The following GABRB3 variants were observed in gnomAD, a reference collection of about 807,000 sequenced individuals.
The protein encoded by GABRB3 is gamma-aminobutyric acid type A receptor subunit beta3, also known as gamma-aminobutyric acid receptor subunit beta-3.
Under a neutral mutation model 52.1 loss-of-function variants are expected in GABRB3, and 14 were observed. The ratio of observed to expected loss-of-function variants is 0.27; its 90% CI spans 0.18 to 0.42. The LOEUF (loss-of-function observed/expected upper bound fraction) is 0.42, where lower values mean the gene tolerates loss of function less well. Among genes scored for constraint, GABRB3 ranks in the 10% least tolerant of loss-of-function variants. The pLI, the probability that GABRB3 is intolerant of heterozygous loss-of-function variation, is 1.00. For missense variants in GABRB3, 307 were observed against 609.1 expected (o/e 0.50, Z 5.22); for synonymous variants, 260 against 232.3 (o/e 1.12, Z -1.08).
chr15:26,723,766 C>T (rs1283634782), intron 3 of GABRB3, among the ~76,000 whole-genome samples: 2 of 152,234 alleles, frequency 1.3e-5, no homozygotes, highest in Admixed American at 6.5e-5. Context: ...GAGGATATCA[C>T]TGCCTACCAC....
At chr15:26,641,608 A>AG (rs1893202569) in intron 3 of GABRB3, among the ~76,000 whole-genome samples, 1 of 152,230 alleles carries the variant, frequency 6.6e-6, no homozygotes, top group African/African-American at 2.4e-5. Context: ...CCTGACAGGT[A>AG]GATCACATCT....
At chr15:26,601,359 G>A (rs2140500806) in intron 4 of GABRB3, among the ~76,000 whole-genome samples, 1 of 151,952 alleles carries the variant, frequency 6.6e-6, no homozygotes, top group African/African-American at 2.4e-5. Context: ...GCAGTGAGCT[G>A]AGATCGCGCC....
chr15:26,762,869 C>T (rs1890857761), intron 3 of GABRB3, among the ~76,000 whole-genome samples: 1 of 152,158 alleles, frequency 6.6e-6, no homozygotes, highest in Non-Finnish European at 1.5e-5. Flanking sequence ...AGGAATGACA[C>T]CTCACAGGGA....
At chr15:26,628,930 G>T in intron 3 of GABRB3, 1 of 1,505,220 alleles carries the variant, frequency 6.6e-7, no homozygotes, top group East Asian at 2.5e-5. Flanking sequence ...GTGCAAGAGC[G>T]CCTCCACTCC....
At chr15:26,766,037 C>T (rs1339941811) in intron 3 of GABRB3, among the ~76,000 whole-genome samples, 1 of 152,204 alleles carries the variant, frequency 6.6e-6, no homozygotes, top group African/African-American at 2.4e-5. Flanking sequence ...ACCTACCTCA[C>T]CAGCTGATGG....
chr15:26,687,729 G>A (rs949357354), intron 3 of GABRB3, among the ~76,000 whole-genome samples: 39 of 152,298 alleles, frequency 2.6e-4, no homozygotes, highest in Admixed American at 1.7e-3. Context: ...TTTCCACACC[G>A]ATTGCTTCTG....
At chr15:26,562,876 C>T (rs923417933) in intron 7 of GABRB3, among the ~76,000 whole-genome samples, 7 of 152,062 alleles carry the variant, frequency 4.6e-5, no homozygotes, top group African/African-American at 4.8e-5. Flanking sequence ...TGGTTGCTGA[C>T]GGAATGTATG....
chr15:26,592,334 A>G lies in GABRB3; in HGVS notation c.462-8920T>C, dbSNP rs572819263. On this transcript the variant is annotated intron_variant, in intron 4 of 8. Transcript: ENST00000311550. ...ATATGAGAGTGAAACTGAAGTCAAG[A>G]TCACCACATCCATATTGGCACTAGA... Among the ~76,000 whole-genome samples, 36 of 152,340 alleles carry G rather than the reference A, an allele frequency of 2.4e-4. No individual in the cohort carries two copies. The South Asian group carries it at 7.2e-3, about 31-fold the overall frequency.
In GABRB3 at chr15:26,621,591, C is replaced by T. The variant is rs45542840; in HGVS notation, c.241-57G>A. On this transcript the variant is annotated intron_variant, in intron 3 of 8. Transcript: ENST00000311550. The surrounding 1 kb of genome is among the most constrained non-coding windows in gnomAD (Gnocchi z 4.1). ...TTGTACCCAGCCACAGGTGTATTTC[C>T]TCCACGACCAGCCAAATTCAGGTTG... 0.41 allele frequency: 579,607 copies of T among 1,423,236 alleles called. 122,062 individuals are homozygous for T. Among genetic ancestry groups the T allele is most frequent in the Middle Eastern group, 0.5 (2,672 of 5,394 alleles). 88.2% of individuals were successfully genotyped at this position (1,423,236 alleles called of 1,614,324 possible).
chr15:26,610,675 G>A (rs1892035308), intron 4 of GABRB3, among the ~76,000 whole-genome samples: 1 of 152,146 alleles, frequency 6.6e-6, no homozygotes. Context: ...GTGATCTCTG[G>A]AGCCTAACTG....
chr15:26,729,753 T>C (rs2140148622), intron 3 of GABRB3, among the ~76,000 whole-genome samples: 1 of 152,284 alleles, frequency 6.6e-6, no homozygotes, highest in African/African-American at 2.4e-5. Context: ...TCCAGGTGCA[T>C]GCTCAGATTC....
chr15:26,631,304 T>G (rs1892908384), intron 3 of GABRB3, among the ~76,000 whole-genome samples: 1 of 152,230 alleles, frequency 6.6e-6, no homozygotes, highest in Admixed American at 6.5e-5. Flanking sequence ...CAACAAAGTT[T>G]CTTCCTGCTT....
intron 6 of GABRB3, among the ~76,000 whole-genome samples, chr15:26,576,511 A>C (rs56254853): frequency 0.14 from 21,667 of 152,250 alleles, 1,967 homozygotes; most frequent in Non-Finnish European, 0.19. Flanking sequence ...TGGGTATTAT[A>C]GAATCTACTG....
chr15:26,617,999 C>T (rs923303776), intron 4 of GABRB3, among the ~76,000 whole-genome samples: 12 of 152,042 alleles, frequency 7.9e-5, no homozygotes, highest in Non-Finnish European at 1.5e-4. Flanking sequence ...CAAACCACTG[C>T]TCAATGAAAT....
At chr15:26,737,795 C>G (rs1890102392) in intron 3 of GABRB3, among the ~76,000 whole-genome samples, 1 of 152,084 alleles carries the variant, frequency 6.6e-6, no homozygotes. Context: ...TCATATCATA[C>G]TTTTTTACTT....
rs1439186253 is a variant in GABRB3 at position 26,728,333 on chromosome 15, G to T, written c.240+44069C>A. Among the ~76,000 whole-genome samples, 5 of 152,302 alleles carry T rather than the reference G, an allele frequency of 3.3e-5. No individual in the cohort carries two copies. The East Asian group carries it at 7.7e-4, about 24-fold the overall frequency. On this transcript the variant is annotated intron_variant, in intron 3 of 8. Coordinates refer to ENST00000311550, the MANE Select transcript of GABRB3 (RefSeq NM_000814.6). ...CATGTATTCTGGTTCCCACACATAT[G>T]GAGACTCTGTTGTCTTCAGCACCTG...
chr15:26,612,399 A>G (rs1566774063), intron 4 of GABRB3: 1 of 152,244 alleles, frequency 6.6e-6, no homozygotes, highest in Non-Finnish European at 1.5e-5. Flanking sequence ...AATTTTTGAT[A>G]GATGCATACT....
At chr15:26,644,760 C>T (rs1055423593) in intron 3 of GABRB3, among the ~76,000 whole-genome samples, 4 of 152,064 alleles carry the variant, frequency 2.6e-5, no homozygotes, top group South Asian at 2.1e-4. Flanking sequence ...TTTAAGCTGC[C>T]GAACAACAGG....
At chr15:26,560,168 G>A (rs116940383) in intron 8 of GABRB3, among the ~76,000 whole-genome samples, 17 of 152,220 alleles carry the variant, frequency 1.1e-4, no homozygotes, top group Non-Finnish European at 1.9e-4. Flanking sequence ...GATGATTTTG[G>A]CTTCTCCAGC....
Sources: allele counts gnomAD v4.1 joint callset (sites outside exome capture counted in the v4.1 genomes callset), GRCh38; gene constraint gnomAD v4.1.1; non-coding constraint Gnocchi (gnomAD v3.1); transcripts MANE v1.5; gene names NCBI Gene and HGNC (gene_info 2026-07-23, HGNC 2026-07-21).